IMMP1L: variants seen among roughly 807,000 people sequenced by gnomAD.
IMMP1L encodes the protein inner mitochondrial membrane peptidase subunit 1.
IMMP1L carries 24 observed loss-of-function variants against 21.8 expected under a neutral mutation model. That is an observed-to-expected ratio of 1.10 (90% confidence interval 0.80 to 1.55). The LOEUF is 1.55. Ranked by LOEUF, IMMP1L falls within the 40% of genes most tolerant of loss-of-function variation. The pLI, the probability that IMMP1L is intolerant of heterozygous loss-of-function variation, is 0.00. For missense variants in IMMP1L, 195 were observed against 200.7 expected (o/e 0.97, Z 0.17); for synonymous variants, 46 against 62.8 (o/e 0.73, Z 1.26).
In IMMP1L at chr11:31,456,326, T is replaced by G; in HGVS notation, c.255A>C (p.Val85=). 1 of 1,608,288 alleles carries G rather than the reference T, an allele frequency of 6.2e-7. No homozygotes were observed. The highest frequency in any genetic ancestry group is 8.5e-7 in the Non-Finnish European group (1 of 1,175,102). The change falls in exon 4 of 6, where the codon GTA becomes GTC. Residue 85 remains valine, a synonymous_variant. Coordinates refer to ENST00000532287, the MANE Select transcript of IMMP1L (RefSeq NM_001304274.2). ...SDPKSNICKR[V]IGLEGDKILT... ...GGATTTTGTCTCCTTCCAAACCAAT[T>G]ACTCTTTTACAAATATTTGATTTTG...
chr11:31,472,729 G>A (rs1319906749), intron 1 of IMMP1L, among the ~76,000 whole-genome samples: 2 of 152,270 alleles, frequency 1.3e-5, no homozygotes, highest in Middle Eastern at 3.4e-3. Flanking sequence ...TTGTGACTGT[G>A]TCATACAGCA....
At chr11:31,500,567 C>G in intron 1 of IMMP1L, among the ~76,000 whole-genome samples, 1 of 150,654 alleles carries the variant, frequency 6.6e-6, no homozygotes, top group East Asian at 1.9e-4. Context: ...ACTCCTCTCT[C>G]CCCTCCAAAA....
chr11:31,478,556 C>T, intron 1 of IMMP1L, among the ~76,000 whole-genome samples: 2 of 152,040 alleles, frequency 1.3e-5, no homozygotes, highest in East Asian at 3.9e-4. Context: ...ACATTTTGTG[C>T]CAACACTTTA....
intron 4 of IMMP1L, chr11:31,448,953 G>A: frequency 1.0e-6 from 1 of 985,260 alleles, no homozygotes; most frequent in Non-Finnish European, 1.2e-6. Flanking sequence ...CCTCCGCAGT[G>A]AACTTCACTT....
intron 1 of IMMP1L, among the ~76,000 whole-genome samples, chr11:31,504,297 TGAATTTATTTGGAAAC>T (rs1175257041): frequency 6.6e-6 from 1 of 152,192 alleles, no homozygotes; most frequent in Non-Finnish European, 1.5e-5. Flanking sequence ...ATATTTGTAA[TGAATTTATTTGGAAAC>T]GAACTCTTAT....
chr11:31,479,872 T>G lies in IMMP1L; in HGVS notation c.-29-16567A>C, dbSNP rs373341648. ...TTATGGAAGAACAAACATTCCAGTG[T>G]CAAATCTGGTAGATAAGCTTAGTAA... On this transcript the variant is annotated intron_variant, in intron 1 of 5. Coordinates refer to ENST00000532287, the MANE Select transcript of IMMP1L (RefSeq NM_001304274.2). Among the ~76,000 whole-genome samples the G allele has an allele frequency of 7.2e-5, 11 of 152,150 alleles. No individual in the cohort carries two copies. The East Asian group carries it at 2.1e-3, about 29-fold the overall frequency.
chr11:31,452,033 G>A (rs1407223065), intron 4 of IMMP1L, among the ~76,000 whole-genome samples: 2 of 152,200 alleles, frequency 1.3e-5, no homozygotes, highest in East Asian at 3.9e-4. Context: ...GATCACTGGA[G>A]AGACAACAAG....
intron 4 of IMMP1L, chr11:31,452,597 C>A: frequency 1.0e-6 from 1 of 985,584 alleles, no homozygotes; most frequent in Non-Finnish European, 1.2e-6. Flanking sequence ...GCAACATACT[C>A]AAGATGTCTG....
chr11:31,499,888 G>T (rs956703021), intron 1 of IMMP1L, among the ~76,000 whole-genome samples: 4 of 151,752 alleles, frequency 2.6e-5, no homozygotes, highest in African/African-American at 7.3e-5. Context: ...TTCTTCCTGT[G>T]ACTCCAAAGG....
At chr11:31,495,964 A>T (rs1219845276) in intron 1 of IMMP1L, among the ~76,000 whole-genome samples, 4 of 152,206 alleles carry the variant, frequency 2.6e-5, no homozygotes, top group Non-Finnish European at 5.9e-5. Flanking sequence ...AGGTCACAAA[A>T]GAAATAAAAA....
intron 1 of IMMP1L, among the ~76,000 whole-genome samples, chr11:31,508,298 T>C (rs1191633715): frequency 6.6e-6 from 1 of 152,258 alleles, no homozygotes; most frequent in Non-Finnish European, 1.5e-5. Context: ...TTTTAAGTAC[T>C]ATGTTGTTTT....
chr11:31,497,913 T>A (rs1955506202), intron 1 of IMMP1L, among the ~76,000 whole-genome samples: 1 of 152,168 alleles, frequency 6.6e-6, no homozygotes, highest in Non-Finnish European at 1.5e-5. Context: ...CAAATTTTTT[T>A]AAAGGGCTCA....
chr11:31,508,912 A>G (rs191997285), intron 1 of IMMP1L, among the ~76,000 whole-genome samples: 2 of 152,358 alleles, frequency 1.3e-5, no homozygotes, highest in Admixed American at 1.3e-4. Flanking sequence ...TTCATAAAAT[A>G]AAGTAGGTAT....
Position 31,432,418 on chromosome 11 carries a change from A to T in IMMP1L, c.*82T>A. The stretch of plus-strand genomic sequence containing the variant: ...ACTAAAACTGAATAGCAAATAGTTT[A>T]TTGGTAAGTACACGGTTTCAACGGG... On this transcript the variant is annotated 3_prime_UTR_variant, in exon 6 of 6. Coordinates refer to ENST00000532287, the MANE Select transcript of IMMP1L (RefSeq NM_001304274.2). 1.1e-6 allele frequency: 1 copy of T among 913,096 alleles called. No homozygotes were observed. The highest frequency in any genetic ancestry group is 1.8e-6 in the Non-Finnish European group (1 of 565,290). 56.6% of individuals were successfully genotyped at this position (913,096 alleles called of 1,614,324 possible).
intron 1 of IMMP1L, among the ~76,000 whole-genome samples, chr11:31,508,396 T>C (rs1955859685): frequency 6.6e-6 from 1 of 152,222 alleles, no homozygotes; most frequent in Non-Finnish European, 1.5e-5. Flanking sequence ...CAGACAGTAA[T>C]CACTCAACAG....
intron 4 of IMMP1L, among the ~76,000 whole-genome samples, chr11:31,434,520 A>C (rs1176347252): frequency 2.0e-5 from 3 of 152,148 alleles, no homozygotes; most frequent in Non-Finnish European, 4.4e-5. Context: ...ATTTATTTTC[A>C]CTATTCTTTT....
intron 1 of IMMP1L, among the ~76,000 whole-genome samples, chr11:31,487,901 T>C (rs1955135718): frequency 6.6e-6 from 1 of 152,166 alleles, no homozygotes; most frequent in Non-Finnish European, 1.5e-5. Flanking sequence ...ATGGCAATGA[T>C]ATAGCACCTT....
At chr11:31,445,750 A>T (rs537583513) in intron 4 of IMMP1L, among the ~76,000 whole-genome samples, 2 of 150,792 alleles carry the variant, frequency 1.3e-5, no homozygotes, top group Non-Finnish European at 2.9e-5. Flanking sequence ...TTTGAGACAG[A>T]GTCTCACTCT....
intron 2 of IMMP1L, among the ~76,000 whole-genome samples, chr11:31,462,953 T>C (rs1306352883): frequency 6.6e-6 from 1 of 152,144 alleles, no homozygotes; most frequent in East Asian, 1.9e-4. Context: ...AGAAACAGAA[T>C]ACAGAAAATA....
Sources: gnomAD v4.1 joint callset for allele counts (sites outside exome capture counted in the v4.1 genomes callset) on GRCh38, gnomAD v4.1.1 for gene constraint, MANE v1.5 for transcripts, NCBI Gene and HGNC (gene_info 2026-07-23, HGNC 2026-07-21) for gene names.